NR3C1: variants seen among roughly 807,000 people sequenced by gnomAD.
NR3C1 encodes the protein nuclear receptor subfamily 3 group C member 1.
A neutral mutation model predicts 74.0 loss-of-function variants in NR3C1; 14 were observed. That is an observed-to-expected ratio of 0.19 (90% CI 0.12 to 0.30). The LOEUF is 0.30. NR3C1 is among the 10% of genes least tolerant of loss of function. NR3C1 has a pLI of 1.00. For synonymous variants in NR3C1, 308 were observed against 332.5 expected (o/e 0.93, Z 0.80); for missense variants, 695 against 909.8 (o/e 0.76, Z 3.04).
intron 1 of NR3C1, among the ~76,000 whole-genome samples, chr5:143,413,639 T>C (rs1841378176): frequency 6.6e-6 from 1 of 152,144 alleles, no homozygotes; most frequent in African/African-American, 2.4e-5. Flanking sequence ...TCCTGCCAGG[T>C]TAGTAACTTC....
intron 2 of NR3C1, among the ~76,000 whole-genome samples, chr5:143,331,713 TTA>T (rs1474425018): frequency 6.6e-6 from 1 of 152,124 alleles, no homozygotes; most frequent in African/African-American, 2.4e-5. Context: ...TTCTTCTCAG[TTA>T]TAACTAGGAA....
upstream of NR3C1, chr5:143,404,091 G>C (rs1201064882): frequency 1.1e-5 from 11 of 985,262 alleles, no homozygotes; most frequent in Admixed American, 6.1e-5. Flanking sequence ...AGACCCACTC[G>C]GGAGCTCGCT....
At chr5:143,405,033 G>T, upstream of NR3C1, 1 of 781,718 alleles carries the variant, frequency 1.3e-6, no homozygotes, top group Non-Finnish European at 1.6e-6. Context: ...GGTCCGTCCT[G>T]AGAAAGGAGA....
intron 2 of NR3C1, among the ~76,000 whole-genome samples, chr5:143,339,257 CAAAAT>C (rs919581605): frequency 7.9e-5 from 12 of 152,086 alleles, no homozygotes; most frequent in Non-Finnish European, 1.8e-4. Flanking sequence ...AAATGTAACT[CAAAAT>C]AAAAAATAGA....
rs144310486 is a variant in NR3C1 at position 143,309,127 on chromosome 5, A to G, written c.1468+970T>C. Among the ~76,000 whole-genome samples, 147 of 145,364 alleles carry G rather than the reference A, an allele frequency of 1.0e-3. 3 individuals are homozygous for G. In the East Asian group the frequency reaches 0.023, roughly 23 times the overall value. On this transcript the variant is annotated intron_variant, in intron 4 of 8. Coordinates refer to ENST00000394464, the MANE Select transcript of NR3C1 (RefSeq NM_000176.3). ...TCTTGCTCTGTCGCCAAGCTGGAGT[A>G]CAGTGGTGTGATCTCGGCTCACTGC...
chr5:143,390,518 A>T (rs544941019), intron 2 of NR3C1, among the ~76,000 whole-genome samples: 3 of 152,214 alleles, frequency 2.0e-5, no homozygotes, highest in Admixed American at 6.5e-5. Context: ...CTTAAACATA[A>T]AATAAACACT....
intron 2 of NR3C1, chr5:143,375,544 T>C (rs985607422): frequency 2.1e-4 from 32 of 152,372 alleles, no homozygotes; most frequent in African/African-American, 7.5e-4. Flanking sequence ...ACATAATTCG[T>C]ATGTACGCAT....
At position 143,302,239 on chromosome 5, in the gene NR3C1, T is replaced by C. The variant is rs1363428966; in HGVS notation, c.1469-1476A>G. Among the ~76,000 whole-genome samples the C allele has an allele frequency of 2.6e-5, 4 of 152,260 alleles. No individual in the cohort carries two copies. The East Asian group carries it at 7.7e-4, about 29-fold the overall frequency. On this transcript the variant is annotated intron_variant, in intron 4 of 8. Coordinates refer to ENST00000394464, the MANE Select transcript of NR3C1 (RefSeq NM_000176.3). Reference sequence around the variant, plus strand: ...AAAATGCTTAGAACAGTTCCTGGCATATATTATAGTAAGTACCACATAACA... The same window carrying C: ...AAAATGCTTAGAACAGTTCCTGGCACATATTATAGTAAGTACCACATAACA...
At chr5:143,413,824 G>A (rs1243978436) in intron 1 of NR3C1, among the ~76,000 whole-genome samples, 1 of 152,044 alleles carries the variant, frequency 6.6e-6, no homozygotes, top group South Asian at 2.1e-4. Context: ...ACCTAAGAAT[G>A]GGGTACAAAT....
chr5:143,289,657 A>G (rs981018531), intron 7 of NR3C1, among the ~76,000 whole-genome samples: 2 of 152,224 alleles, frequency 1.3e-5, no homozygotes, highest in African/African-American at 4.8e-5. Flanking sequence ...CCACATTGAG[A>G]ATATTTGAAC....
Position 143,403,467 on chromosome 5 carries a change from C to A in NR3C1, c.-270G>T. 1 of 985,404 alleles carries A rather than the reference C, an allele frequency of 1.0e-6. No homozygotes were observed. The highest frequency in any genetic ancestry group is 1.2e-6 in the Non-Finnish European group (1 of 829,972). 61.0% of individuals were successfully genotyped at this position (985,404 alleles called of 1,614,324 possible). Reference sequence around the variant, plus strand: ...GGGTCGAGGTTCCGGGCGCGCGTGCCCCGTCCCGGTCCCAGCTGCTTCGGC... The same window carrying A: ...GGGTCGAGGTTCCGGGCGCGCGTGCACCGTCCCGGTCCCAGCTGCTTCGGC... On this transcript the variant is annotated 5_prime_UTR_variant, in exon 1 of 9. Coordinates refer to ENST00000394464, the MANE Select transcript of NR3C1 (RefSeq NM_000176.3).
intron 1 of NR3C1, chr5:143,402,762 C>G: frequency 1.0e-6 from 1 of 985,412 alleles, no homozygotes; most frequent in South Asian, 4.7e-5. Flanking sequence ...GGAGCCCGGG[C>G]TCGCGCTCGG....
At chr5:143,415,618 A>G (rs1052325013) in intron 1 of NR3C1, among the ~76,000 whole-genome samples, 1 of 152,202 alleles carries the variant, frequency 6.6e-6, no homozygotes, top group Non-Finnish European at 1.5e-5. Flanking sequence ...CAATATTTTC[A>G]GGTAATAGTA....
intron 2 of NR3C1, among the ~76,000 whole-genome samples, chr5:143,336,204 T>C (rs1827089546): frequency 6.6e-6 from 1 of 152,338 alleles, no homozygotes; most frequent in East Asian, 1.9e-4. Flanking sequence ...CCCTGGCTGT[T>C]GTTCACATGA....
chr5:143,400,345 T>G lies in NR3C1; in HGVS notation c.495A>C (p.Ser165=), dbSNP rs1840033695. ...TCTGGCCCTTCAAATGTTGCTGTTC[T>G]GAAGATACATCAGAGTGAGTTTTTG... The part of the protein sequence containing the change: ...EFPKTHSDVS[S]EQQHLKGQTG... The change falls in exon 2 of 9, where the codon TCA becomes TCC. Residue 165 remains serine (S), a synonymous_variant. Transcript: ENST00000394464. The G allele has an allele frequency of 6.2e-7, 1 of 1,614,090 alleles. No homozygotes were observed.
chr5:143,295,372 T>G (rs2151532602), intron 7 of NR3C1, 88 bp downstream of exon 7: 1 of 1,541,774 alleles, frequency 6.5e-7, no homozygotes, highest in African/African-American at 1.4e-5. Flanking sequence ...TTGGTATAAT[T>G]ATTAGTACTA....
At chr5:143,337,860 G>A (rs771056246) in intron 2 of NR3C1, among the ~76,000 whole-genome samples, 21 of 152,080 alleles carry the variant, frequency 1.4e-4, no homozygotes, top group African/African-American at 3.6e-4. Flanking sequence ...AGAAAACAAC[G>A]ATCACATTTG....
intron 6 of NR3C1, among the ~76,000 whole-genome samples, chr5:143,296,109 T>G (rs1027954003): frequency 6.6e-6 from 1 of 152,190 alleles, no homozygotes; most frequent in Non-Finnish European, 1.5e-5. Flanking sequence ...GACAGGCATA[T>G]GCCTTAATAT....
intron 2 of NR3C1, among the ~76,000 whole-genome samples, chr5:143,326,777 T>C (rs1267673112): frequency 6.6e-6 from 1 of 152,202 alleles, no homozygotes; most frequent in Non-Finnish European, 1.5e-5. Flanking sequence ...CTTAATATTA[T>C]ACAGCCTTAA....
Sources: gnomAD v4.1 joint callset for allele counts (sites outside exome capture counted in the v4.1 genomes callset) on GRCh38, gnomAD v4.1.1 for gene constraint, MANE v1.5 for transcripts, NCBI Gene and HGNC (gene_info 2026-07-23, HGNC 2026-07-21) for gene names.